The following ABCA7 variants were observed in gnomAD, a reference collection of about 807,000 sequenced individuals.
ABCA7 encodes ATP binding cassette subfamily A member 7.
A neutral mutation model predicts 227.6 loss-of-function variants in ABCA7; 261 were observed. The ratio of observed to expected loss-of-function variants is 1.15; its 90% CI spans 1.04 to 1.27. ABCA7 has a LOEUF of 1.27. Ranked by LOEUF, ABCA7 falls within the 50% of genes most tolerant of loss-of-function variation. The probability of loss-of-function intolerance (pLI) is 0.00; values close to 1 mark genes in which losing one functional copy is unlikely to be tolerated. For missense variants in ABCA7, 3,331 were observed against 2,924.5 expected (o/e 1.14, Z -3.21); for synonymous variants, 1,488 against 1,279.7 (o/e 1.16, Z -3.47).
chr19:1,064,384 T>C, intron 45 of ABCA7, 131 bp downstream of exon 45: 5 of 1,096,786 alleles, frequency 4.6e-6, no homozygotes, highest in Non-Finnish European at 6.4e-6. Context: ...AGGCTTTAGA[T>C]TGTCCTGCAG....
chr19:1,045,160 C>G lies in ABCA7; in HGVS notation c.1374C>G (p.Gly458=). 6.2e-7 allele frequency: 1 copy of G among 1,612,910 alleles called. No individual in the cohort carries two copies. Among genetic ancestry groups the G allele is most frequent in the South Asian group, 1.1e-5 (1 of 91,080 alleles). ...DPTEHPTPDL[G]PGHVRIKIRM... ...CAGAGCACCCAACCCCAGACCTGGG[C>G]CCCGGCCACGTGCGCATCAAAATCC... The change falls in exon 12 of 47, where the codon GGC becomes GGG. Residue 458 remains glycine (G), a synonymous_variant. Coordinates refer to ENST00000263094, the MANE Select transcript of ABCA7 (RefSeq NM_019112.4).
rs150273220 is a variant in ABCA7, at chr19:1,056,153, G to A, written c.4326G>A (p.Leu1442=). 3 of 1,609,392 alleles carry A rather than the reference G, an allele frequency of 1.9e-6. No individual in the cohort carries two copies. Among genetic ancestry groups the A allele is most frequent in the East Asian group, 2.2e-5 (1 of 44,868 alleles). The change falls in exon 32 of 47, where the codon CTG becomes CTA. Residue 1442 remains leucine, a synonymous_variant. Coordinates refer to ENST00000263094, the MANE Select transcript of ABCA7 (RefSeq NM_019112.4). This position sits in a 1 kb window ranked among gnomAD's most constrained non-coding sequence, Gnocchi z 4.3. ...LGRSVEELWA[L]LSPLPGGALD... is the part of the protein sequence containing the mutation. Reference sequence around the variant, plus strand: ...GCTCAGTGGAGGAGTTGTGGGCGCTGCTGAGTCCCCTGCCTGGCGGGGCCC... The same window carrying A: ...GCTCAGTGGAGGAGTTGTGGGCGCTACTGAGTCCCCTGCCTGGCGGGGCCC...
Position 1,045,080 on chromosome 19 carries a change from C to CAG in ABCA7, c.1295_1296insGA (p.His432GlnfsTer63). On this transcript the variant is annotated frameshift_variant, in exon 12 of 47. Coordinates refer to ENST00000263094, the MANE Select transcript of ABCA7 (RefSeq NM_019112.4). LOFTEE classifies it high-confidence loss of function. ...GCGGGCCCTGCAACTGCTCGCGGAA[C>CAG]ATCGATTCTGGGCCGGCGTCGTCTT... The CAG allele has an allele frequency of 6.2e-7, 1 of 1,612,972 alleles. No homozygotes were observed. The highest frequency in any genetic ancestry group is 1.6e-4 in the Middle Eastern group (1 of 6,062).
chr19:1,046,608 G>A (rs1416725396), intron 13 of ABCA7, among the ~76,000 whole-genome samples, 194 bp from the exon 14 acceptor site: 1 of 152,100 alleles, frequency 6.6e-6, no homozygotes, highest in Admixed American at 6.5e-5. Context: ...GGGTCTGGGG[G>A]CCCCCGGCGC....
chr19:1,061,960 A>G, intron 41 of ABCA7, 72 bp downstream of exon 41: 1 of 1,471,600 alleles, frequency 6.8e-7, no homozygotes, highest in Non-Finnish European at 9.1e-7. Context: ...CCACCCCTCC[A>G]CCTCCAGTGA....
chr19:1,058,400 G>A, intron 37 of ABCA7, 131 bp downstream of exon 37: 1 of 1,446,404 alleles, frequency 6.9e-7, no homozygotes, highest in Non-Finnish European at 9.1e-7. Context: ...TGGCCCTAAG[G>A]TTGGGCCAAG....
rs373517680 is a variant in ABCA7 at position 1,051,998 on chromosome 19, C to G, written c.3019C>G (p.Arg1007Gly). Reference sequence around the variant, plus strand: ...GGATGAGGCAGAGCTGCTGGGAGACCGTGTGGCCGTGGTGGCAGGTGGCCG... The same window carrying G: ...GGATGAGGCAGAGCTGCTGGGAGACGGTGTGGCCGTGGTGGCAGGTGGCCG... ...HLDEAELLGD[R>G]VAVVAGGRLC... is the part of the protein sequence containing the mutation. The change falls in exon 22 of 47, where the codon CGT becomes GGT. Residue 1007 changes from arginine to glycine, a missense_variant. By Grantham distance (125) the Arg-to-Gly change is moderately radical (BLOSUM62 -2). Transcript: ENST00000263094. The G allele has an allele frequency of 3.1e-5, 50 of 1,612,246 alleles. No individual in the cohort carries two copies. The highest frequency in any genetic ancestry group is 4.2e-5 in the Non-Finnish European group (49 of 1,179,902).
chr19:1,060,537 T>TG (rs1461103598), intron 40 of ABCA7, among the ~76,000 whole-genome samples: 4 of 146,666 alleles, frequency 2.7e-5, no homozygotes, highest in African/African-American at 1.0e-4. Context: ...TTTTTTTTTT[T>TG]GAGACAAAGT....
At position 1,054,722 on chromosome 19, in the gene ABCA7, C is replaced by A. The variant is rs781180568; in HGVS notation, c.3851+28C>A. 6.2e-7 allele frequency: 1 copy of A among 1,608,214 alleles called. No homozygotes were observed. ...GGGTGCAGAAGGAAGGGGCTGGTGGCAGGAAGACTAGGGACCTGGGGGTAC... is the reference window on the plus strand; with the variant it reads ...GGGTGCAGAAGGAAGGGGCTGGTGGAAGGAAGACTAGGGACCTGGGGGTAC... On this transcript the variant is annotated intron_variant, in intron 28 of 46. Transcript: ENST00000263094. The surrounding 1 kb of genome is among the most constrained non-coding windows in gnomAD (Gnocchi z 4.8).
In ABCA7 at chr19:1,041,811, C is replaced by T; in HGVS notation, c.161-20C>T. ...TCAGGCAGAGTCCACAGGGCCTCAGCACCAGGCGTCTCCCCGCAGGCCACT... is the reference window on the plus strand; with the variant it reads ...TCAGGCAGAGTCCACAGGGCCTCAGTACCAGGCGTCTCCCCGCAGGCCACT... On this transcript the variant is annotated intron_variant, in intron 3 of 46. Transcript: ENST00000263094. The T allele has an allele frequency of 3.1e-6, 5 of 1,600,418 alleles. No individual in the cohort carries two copies. The highest frequency in any genetic ancestry group is 2.5e-6 in the Non-Finnish European group (3 of 1,178,190).
chr19:1,047,533 G>C lies in ABCA7; in HGVS notation c.2148G>C (p.Trp716Cys). The C allele has an allele frequency of 6.3e-7, 1 of 1,597,362 alleles. No homozygotes were observed. Reference protein sequence around the residue: ...LLEEQGEGAQWHNVGTRPTAD... With the variant: ...LLEEQGEGAQCHNVGTRPTAD... ...AGGAGCAGGGCGAGGGCGCGCAGTG[G>C]CACAACGTGGGCACCCGGCCTACGG... The change falls in exon 16 of 47, where the codon TGG becomes TGC. Residue 716 changes from tryptophan (W) to cysteine (C), a missense_variant. Physicochemically the swap from Trp to Cys is radical, Grantham distance 215. Transcript: ENST00000263094.
At chr19:1,063,195 A>C (rs1226941550) in intron 42 of ABCA7, among the ~76,000 whole-genome samples, 1 of 98,230 alleles carries the variant, frequency 1.0e-5, no homozygotes, top group Non-Finnish European at 2.0e-5. Flanking sequence ...CCCCATACTC[A>C]TGCTGGCTCC....
Position 1,041,526 on chromosome 19 carries a change from A to C in ABCA7, c.83A>C (p.Glu28Ala). ...CTCCCCCAGGTCCAGCTCCTGGTCG[A>C]ATTGCTGTGGCCTCTCTTCCTCTTC... ...RRRQPVQLLVELLWPLFLFFI... is the reference protein window; with the variant it reads ...RRRQPVQLLVALLWPLFLFFI... Residue 28 changes from glutamate to alanine, a missense_variant, in exon 3 of 47, where the codon GAA (glutamate) becomes GCA (alanine). Coordinates refer to ENST00000263094, the MANE Select transcript of ABCA7 (RefSeq NM_019112.4). 6.2e-7 allele frequency: 1 copy of C among 1,613,584 alleles called. No individual in the cohort carries two copies. The highest frequency in any genetic ancestry group is 1.1e-5 in the South Asian group (1 of 91,070).
Position 1,047,308 on chromosome 19 carries a change from C to T in ABCA7, c.1997C>T (p.Ser666Phe), listed in dbSNP as rs779171023. ...AAACGGLAYF[S>F]LYLPYVLCVA... ...GCCTGCGGCGGCCTGGCCTACTTCT[C>T]CCTCTACCTGCCCTACGTGCTGTGT... is the stretch of plus-strand genomic sequence containing the variant. Residue 666 changes from serine to phenylalanine, a missense_variant, in exon 15 of 47, where the codon TCC becomes TTC. Coordinates refer to ENST00000263094, the MANE Select transcript of ABCA7 (RefSeq NM_019112.4). The T allele has an allele frequency of 6.2e-7, 1 of 1,604,060 alleles. No individual in the cohort carries two copies. Among genetic ancestry groups the T allele is most frequent in the East Asian group, 2.2e-5 (1 of 44,808 alleles).
In ABCA7 at chr19:1,064,177, G is replaced by A. The variant is rs1342169450; in HGVS notation, c.5968G>A (p.Ala1990Thr). The A allele has an allele frequency of 6.3e-7, 1 of 1,575,582 alleles. No individual in the cohort carries two copies. The highest frequency in any genetic ancestry group is 1.8e-5 in the Admixed American group (1 of 54,512). Reference protein sequence around the residue: ...LTSHSMEECEALCSRLAIMVN... With the variant: ...LTSHSMEECETLCSRLAIMVN... ...TCCCGACAGCATGGAGGAGTGTGAA[G>A]CGCTCTGCTCGCGCCTGGCCATCAT... Residue 1990 changes from alanine to threonine, a missense_variant, in exon 45 of 47, where the codon GCG becomes ACG. Physicochemically the swap from Ala to Thr is moderately conservative, Grantham distance 58. Coordinates refer to ENST00000263094, the MANE Select transcript of ABCA7 (RefSeq NM_019112.4).
rs772145611 is a variant in ABCA7 at position 1,065,004 on chromosome 19, G to C, written c.6118G>C (p.Ala2040Pro). The C allele has an allele frequency of 4.5e-6, 7 of 1,556,426 alleles. No homozygotes were observed. The East Asian group carries it at 1.7e-4, about 38-fold the overall frequency. Residue 2040 changes from alanine to proline, a missense_variant, in exon 46 of 47, where the codon GCC (alanine) becomes CCC (proline). Transcript: ENST00000263094. ...CCAGCCGGCAGCGGCCTTCGTGGCG[G>C]CCGAGTTCCCTGGGGCGGAGCTGCG... ...RSQPAAAFVA[A>P]EFPGAELREA...
chr19:1,052,143 TC>T lies in ABCA7; in HGVS notation c.3147+19del. 1 of 1,611,170 alleles carries T rather than the reference TC, an allele frequency of 6.2e-7. No homozygotes were observed. ...AATGAGAAGGTGGGGACCGGCCTTC[TC>T]CTGACCCCTGACCCCCGGGACTCTG... is the stretch of plus-strand genomic sequence containing the variant. On this transcript the variant is annotated intron_variant, in intron 22 of 46. Transcript: ENST00000263094.
intron 10 of ABCA7, 124 bp downstream of exon 10, chr19:1,043,965 T>A: frequency 5.2e-5 from 37 of 716,822 alleles, no homozygotes; most frequent in Non-Finnish European, 8.5e-5. Context: ...TGAGATGGAG[T>A]CTCGCTCTGT....
Position 1,061,764 on chromosome 19 carries a change from C to G in ABCA7, c.5464-18C>G, listed in dbSNP as rs1161407433. On this transcript the variant is annotated intron_variant, in intron 40 of 46. Transcript: ENST00000263094. ...GGCCTGGGGCCTCACTGAGCACCAT[C>G]TGTGGGCATCCCTGTAGTGTTTTGG... The G allele has an allele frequency of 6.2e-7, 1 of 1,608,050 alleles. No individual in the cohort carries two copies. Among genetic ancestry groups the G allele is most frequent in the East Asian group, 2.2e-5 (1 of 44,652 alleles).
Sources: gnomAD v4.1 joint callset for allele counts (sites outside exome capture counted in the v4.1 genomes callset) on GRCh38, gnomAD v4.1.1 for gene constraint, Gnocchi (gnomAD v3.1) non-coding constraint, MANE v1.5 for transcripts, NCBI Gene and HGNC (gene_info 2026-07-23, HGNC 2026-07-21) for gene names.